NOTCH2NLA: variants seen among roughly 807,000 people sequenced by gnomAD.
The protein encoded by NOTCH2NLA is notch homolog 2 N-terminal-like protein A.
At chr1:146,159,349 A>C (rs1463484666) in intron 3 of NOTCH2NLA, among the ~76,000 whole-genome samples, 7 of 150,008 alleles carry the variant, frequency 4.7e-5, no homozygotes, top group Non-Finnish European at 7.4e-5. Context: ...AGAAGAAAGA[A>C]AGACAGAAAG....
rs587742754 is a variant in NOTCH2NLA at position 146,180,393 on chromosome 1, T to C, written c.38+8907A>G. 6.2e-3 allele frequency among the ~76,000 whole-genome samples: 872 copies of C among 141,758 alleles called. 43 individuals carry two copies. Among genetic ancestry groups the C allele is most frequent in the African/African-American group, 0.02 (824 of 40,548 alleles). The allele number at this position is 141,758 out of a possible 152,430, so 93.0% of individuals were successfully genotyped here. ...TTTCACTTTTCTTTCATAAAACTCT[T>C]TTCATAAAGATCAAGTAGAAGACTG... On this transcript the variant is annotated intron_variant, in intron 2 of 4. Transcript: ENST00000362074.
chr1:146,159,454 A>G (rs1188509243), intron 3 of NOTCH2NLA, among the ~76,000 whole-genome samples: 2 of 151,262 alleles, frequency 1.3e-5, no homozygotes, highest in Non-Finnish European at 3.0e-5. Context: ...AAAGAGAAAG[A>G]AAGAAAGAAA....
In NOTCH2NLA at chr1:146,187,827, G is replaced by A. The variant is rs1407618659; in HGVS notation, c.38+1473C>T. ...ATCTCCAGTTGTATCTCCATTCTTAGAGGAGAATGCACCACATTTTTTTTT... is the reference window on the plus strand; with the variant it reads ...ATCTCCAGTTGTATCTCCATTCTTAAAGGAGAATGCACCACATTTTTTTTT... On this transcript the variant is annotated intron_variant, in intron 2 of 4. Transcript: ENST00000362074. 2.9e-5 allele frequency among the ~76,000 whole-genome samples: 4 copies of A among 136,390 alleles called. 1 individual carries two copies. Among genetic ancestry groups the A allele is most frequent in the Non-Finnish European group, 5.1e-5 (3 of 58,930 alleles). 89.5% of individuals were successfully genotyped at this position (136,390 alleles called of 152,430 possible). A position where few individuals can be genotyped will look rare whatever the true frequency, so the allele number is the denominator to read the frequency against.
intron 2 of NOTCH2NLA, among the ~76,000 whole-genome samples, chr1:146,171,427 T>C (rs587665327): frequency 8.7e-5 from 12 of 137,940 alleles, no homozygotes; most frequent in African/African-American, 2.2e-4. Flanking sequence ...CGAGACTCCC[T>C]CTCAAAAAAA....
downstream of NOTCH2NLA, chr1:146,154,682 T>G (rs1553802162): frequency 1.6e-5 from 1 of 61,912 alleles, no homozygotes; most frequent in South Asian, 8.3e-4. Flanking sequence ...GTTTGACAGA[T>G]CCTTTCCTGG....
chr1:146,154,006 T>C (rs1439730793), downstream of NOTCH2NLA: 67 of 91,402 alleles, frequency 7.3e-4, 3 homozygotes, highest in South Asian at 5.2e-3. Context: ...CACAACGCCA[T>C]ACACACACAC....
At chr1:146,186,756 T>C (rs1351257775) in intron 2 of NOTCH2NLA, among the ~76,000 whole-genome samples, 5 of 131,410 alleles carry the variant, frequency 3.8e-5, no homozygotes, top group African/African-American at 1.3e-4. Context: ...TTAGAACATA[T>C]TTGAAATTCT....
intron 1 of NOTCH2NLA, chr1:146,228,498 C>T (rs1571353594): frequency 3.3e-6 from 3 of 920,010 alleles, no homozygotes; most frequent in Admixed American, 6.3e-5. Flanking sequence ...CGGGGAACCC[C>T]GGCGGTTGGC....
intron 2 of NOTCH2NLA, among the ~76,000 whole-genome samples, chr1:146,180,745 G>C (rs1169399534): frequency 2.1e-5 from 3 of 140,026 alleles, no homozygotes; most frequent in African/African-American, 7.4e-5. Flanking sequence ...ACTACTGTAT[G>C]TTGAGAGGAG....
chr1:146,207,846 G>T (rs1434747305), intron 1 of NOTCH2NLA, among the ~76,000 whole-genome samples: 1 of 45,658 alleles, frequency 2.2e-5, no homozygotes, highest in African/African-American at 9.0e-5. Context: ...TTTGGAGACA[G>T]GATCTTGCTC....
chr1:146,162,363 G>T (rs1661552532), intron 3 of NOTCH2NLA, among the ~76,000 whole-genome samples: 1 of 150,476 alleles, frequency 6.6e-6, no homozygotes, highest in South Asian at 2.1e-4. Context: ...GATGTGTACG[G>T]GTTCAAGTTG....
At chr1:146,195,044 C>T (rs1553812299) in intron 1 of NOTCH2NLA, among the ~76,000 whole-genome samples, 1 of 101,358 alleles carries the variant, frequency 9.9e-6, no homozygotes, top group Non-Finnish European at 1.9e-5. Flanking sequence ...CACAGGGCCA[C>T]CCCCCCCCAT....
intron 3 of NOTCH2NLA, among the ~76,000 whole-genome samples, chr1:146,159,980 A>AT (rs1450379105): frequency 7.2e-6 from 1 of 138,480 alleles, no homozygotes; most frequent in African/African-American, 2.6e-5. Context: ...AAAAAAAAAA[A>AT]AAAAAAAAAA....
chr1:146,186,426 C>T (rs1363100844), intron 2 of NOTCH2NLA, among the ~76,000 whole-genome samples: 3 of 143,398 alleles, frequency 2.1e-5, no homozygotes, highest in African/African-American at 7.5e-5. Flanking sequence ...GCAATCTTGG[C>T]TCACTGCAAG....
At chr1:146,172,880 A>G (rs1363473280) in intron 2 of NOTCH2NLA, among the ~76,000 whole-genome samples, 1 of 144,880 alleles carries the variant, frequency 6.9e-6, no homozygotes. Flanking sequence ...AACCCCACTA[A>G]GCAGCTGGTT....
At chr1:146,158,259 G>C (rs1553803329) in intron 3 of NOTCH2NLA, among the ~76,000 whole-genome samples, 1 of 147,346 alleles carries the variant, frequency 6.8e-6, no homozygotes, top group African/African-American at 2.5e-5. Context: ...TTGGTGTGCT[G>C]CACCCATTAA....
downstream of NOTCH2NLA, chr1:146,154,573 GA>G (rs1457348766): frequency 3.3e-5 from 4 of 122,488 alleles, no homozygotes; most frequent in Non-Finnish European, 5.2e-5. Context: ...GAGAATAAGA[GA>G]CAGCCAAGAT....
intron 1 of NOTCH2NLA, among the ~76,000 whole-genome samples, chr1:146,198,764 T>C (rs1663288404): frequency 1.2e-5 from 1 of 82,982 alleles, no homozygotes; most frequent in Non-Finnish European, 2.8e-5. Flanking sequence ...CAATTTCCTG[T>C]GCTTTTAGTA....
exon 5 of NOTCH2NLA, chr1:146,155,517 T>TC (rs1283687677): frequency 9.2e-6 from 1 of 109,024 alleles, no homozygotes; most frequent in African/African-American, 2.7e-5. Context: ...AGCACATTAC[T>TC]CCCCCCTACA....
Sources: allele counts gnomAD v4.1 joint callset (sites outside exome capture counted in the v4.1 genomes callset), GRCh38; gene constraint gnomAD v4.1.1; transcripts MANE v1.5; gene names NCBI Gene and HGNC (gene_info 2026-07-23, HGNC 2026-07-21).